TMEM131L: variants seen among roughly 807,000 people sequenced by gnomAD.
TMEM131L encodes transmembrane 131 like, also known as transmembrane protein 131-like.
TMEM131L carries 54 observed loss-of-function variants against 192.2 expected under a neutral mutation model. The ratio of observed to expected loss-of-function variants is 0.28; its 90% CI spans 0.23 to 0.35. The LOEUF is 0.35. Among genes scored for constraint, TMEM131L ranks in the 10% least tolerant of loss-of-function variants. The pLI is 1.00. For synonymous variants in TMEM131L, 701 were observed against 704.9 expected, an observed-to-expected ratio of 0.99 and a Z score of 0.09; for missense variants, 1,888 against 1,972.9, an observed-to-expected ratio of 0.96 and a Z score of 0.82.
At position 153,477,904 on chromosome 4, in the gene TMEM131L, C is replaced by A. The variant is rs544551670; in HGVS notation, c.239+4016C>A. 1.5e-3 allele frequency among the ~76,000 whole-genome samples: 231 copies of A among 152,294 alleles called. 1 individual carries two copies. Among genetic ancestry groups the A allele is most frequent in the Non-Finnish European group, 2.9e-3 (195 of 68,016 alleles). ...ATTCAGAGTTGTATAACTGTTACTA[C>A]AATAAATTTTAGAAGAACATTTTGT... On this transcript the variant is annotated intron_variant, in intron 3 of 34. Coordinates refer to ENST00000409959, the MANE Select transcript of TMEM131L (RefSeq NM_001131007.2).
chr4:153,482,027 A>G (rs1342944248), intron 3 of TMEM131L, among the ~76,000 whole-genome samples: 1 of 152,032 alleles, frequency 6.6e-6, no homozygotes, highest in African/African-American at 2.4e-5. Flanking sequence ...TTGTATTTTT[A>G]GTAGAGATAG....
rs192223092 is a variant in TMEM131L, at chr4:153,619,335, A to G, written c.3568-1421A>G. 3.3e-5 allele frequency among the ~76,000 whole-genome samples: 5 copies of G among 152,374 alleles called. No individual in the cohort carries two copies. In the East Asian group the frequency reaches 7.7e-4, roughly 23 times the overall value. ...CAAGTTAGAAAGACACAAAGGAACA[A>G]TACATGAAGAAATGTGGTGCATGTC... On this transcript the variant is annotated intron_variant, in intron 26 of 34. Transcript: ENST00000409959.
intron 3 of TMEM131L, among the ~76,000 whole-genome samples, chr4:153,500,475 C>G (rs1438712558): frequency 6.6e-6 from 1 of 152,124 alleles, no homozygotes; most frequent in African/African-American, 2.4e-5. Flanking sequence ...GAATGGTGCC[C>G]TATGTAGTGA....
intron 4 of TMEM131L, among the ~76,000 whole-genome samples, chr4:153,552,648 C>G (rs1012033358): frequency 6.6e-6 from 1 of 152,020 alleles, no homozygotes; most frequent in Non-Finnish European, 1.5e-5. Context: ...CTGCGCAACA[C>G]TGTGAGACCC....
chr4:153,625,911 AAAAAC>A (rs1303851264), intron 29 of TMEM131L, among the ~76,000 whole-genome samples: 6 of 152,216 alleles, frequency 3.9e-5, no homozygotes, highest in South Asian at 2.1e-4. Context: ...CTGTCTCAAA[AAAAAC>A]AAAACAACAA....
intron 21 of TMEM131L, among the ~76,000 whole-genome samples, chr4:153,600,782 T>A (rs1277671180): frequency 1.3e-5 from 2 of 152,226 alleles, no homozygotes; most frequent in Non-Finnish European, 2.9e-5. Flanking sequence ...TTGTTTGTTT[T>A]AGAAAACTAT....
At chr4:153,491,139 G>A (rs990775418) in intron 3 of TMEM131L, among the ~76,000 whole-genome samples, 3 of 152,076 alleles carry the variant, frequency 2.0e-5, no homozygotes, top group Non-Finnish European at 4.4e-5. Context: ...TGAGTTTAAG[G>A]CCTGTCACGT....
chr4:153,604,196 A>G lies in TMEM131L; in HGVS notation c.3184A>G (p.Lys1062Glu), dbSNP rs756387953. Reference sequence around the variant, plus strand: ...ACTGAATAAAGAAGAAAACACACTGAAAAACACAATTGTTTTCAGTAATCC... The same window carrying G: ...ACTGAATAAAGAAGAAAACACACTGGAAAACACAATTGTTTTCAGTAATCC... Reference protein sequence around the residue: ...NLLNKEENTLKNTIVFSNPSS... With the variant: ...NLLNKEENTLENTIVFSNPSS... Residue 1062 changes from lysine (K) to glutamate (E), a missense_variant, in exon 25 of 35, where the codon AAA becomes GAA. Transcript: ENST00000409959. 2 of 1,614,154 alleles carry G rather than the reference A, an allele frequency of 1.2e-6. No individual in the cohort carries two copies. The highest frequency in any genetic ancestry group is 1.7e-6 in the Non-Finnish European group (2 of 1,180,010).
At chr4:153,496,623 A>T (rs1388145427) in intron 3 of TMEM131L, among the ~76,000 whole-genome samples, 2 of 152,088 alleles carry the variant, frequency 1.3e-5, no homozygotes, top group Non-Finnish European at 2.9e-5. Flanking sequence ...TGGTGGCATG[A>T]TCCTGGCTCA....
chr4:153,521,517 G>A (rs545534500), intron 3 of TMEM131L, among the ~76,000 whole-genome samples: 69 of 152,232 alleles, frequency 4.5e-4, no homozygotes, highest in Non-Finnish European at 7.6e-4. Flanking sequence ...TTAAATTGGG[G>A]TACAATAGAC....
chr4:153,564,395 C>G (rs1425803291), intron 7 of TMEM131L, among the ~76,000 whole-genome samples: 1 of 151,600 alleles, frequency 6.6e-6, no homozygotes, highest in Non-Finnish European at 1.5e-5. Flanking sequence ...GAGGAACCAG[C>G]CCTCACTAGA....
intron 3 of TMEM131L, among the ~76,000 whole-genome samples, chr4:153,480,418 G>A (rs1337442288): frequency 6.6e-6 from 1 of 151,532 alleles, no homozygotes; most frequent in Non-Finnish European, 1.5e-5. Flanking sequence ...TACTCCAGAG[G>A]CTGAGGCAGG....
intron 3 of TMEM131L, among the ~76,000 whole-genome samples, chr4:153,477,883 A>G (rs2149774904): frequency 6.6e-6 from 1 of 152,326 alleles, no homozygotes; most frequent in East Asian, 1.9e-4. Flanking sequence ...CAGCATATTC[A>G]GAGTTGTATA....
intron 11 of TMEM131L, 113 bp from the exon 12 acceptor site, chr4:153,584,722 T>C (rs1730586380): frequency 1.6e-6 from 1 of 624,754 alleles, no homozygotes; most frequent in South Asian, 2.9e-5. Context: ...TTCACTATTT[T>C]AATGGAGACA....
intron 3 of TMEM131L, among the ~76,000 whole-genome samples, chr4:153,487,704 G>GTGTGTA (rs1159978109): frequency 7.0e-6 from 1 of 142,160 alleles, no homozygotes; most frequent in Non-Finnish European, 1.6e-5. Flanking sequence ...GTGTGTGTGT[G>GTGTGTA]TGTGTGTGTG....
chr4:153,487,607 T>C (rs1196523817), intron 3 of TMEM131L, among the ~76,000 whole-genome samples: 2 of 152,128 alleles, frequency 1.3e-5, no homozygotes, highest in Non-Finnish European at 2.9e-5. Flanking sequence ...GTCTCAGTTG[T>C]TGGATGGGAG....
intron 19 of TMEM131L, among the ~76,000 whole-genome samples, chr4:153,594,771 G>C (rs1731309984): frequency 6.6e-6 from 1 of 152,150 alleles, no homozygotes; most frequent in Admixed American, 6.5e-5. Context: ...AGCACTGGGC[G>C]AGTTGGGGGG....
chr4:153,539,312 C>G (rs187327830), intron 3 of TMEM131L, among the ~76,000 whole-genome samples: 18 of 152,156 alleles, frequency 1.2e-4, no homozygotes, highest in Admixed American at 1.1e-3. Flanking sequence ...TAAGAAAAAT[C>G]GTTTTTAAAG....
intron 2 of TMEM131L, among the ~76,000 whole-genome samples, chr4:153,472,135 G>T (rs1310032093): frequency 2.6e-5 from 4 of 152,038 alleles, no homozygotes; most frequent in African/African-American, 9.7e-5. Context: ...TGCTTTATGA[G>T]TATTAACTCA....
Sources: allele counts gnomAD v4.1 joint callset (sites outside exome capture counted in the v4.1 genomes callset), GRCh38; gene constraint gnomAD v4.1.1; transcripts MANE v1.5; gene names NCBI Gene and HGNC (gene_info 2026-07-23, HGNC 2026-07-21).